Variants in FAP observed in about 807,000 individuals in gnomAD.
FAP encodes fibroblast activation protein alpha, also known as prolyl endopeptidase FAP.
Under a neutral mutation model 126.5 loss-of-function variants are expected in FAP, and 110 were observed. That is an observed-to-expected ratio of 0.87 (90% CI 0.74 to 1.02). The LOEUF is 1.02. Ranked by LOEUF, FAP falls within the 50% of genes least tolerant of loss-of-function variation. The pLI, the probability that FAP is intolerant of heterozygous loss-of-function variation, is 0.00. For missense variants in FAP, 919 were observed against 909.2 expected (o/e 1.01, Z -0.14); for synonymous variants, 334 against 297.3 (o/e 1.12, Z -1.27).
At chr2:162,180,948 G>A (rs1190004622) in intron 21 of FAP, among the ~76,000 whole-genome samples, 2 of 152,044 alleles carry the variant, frequency 1.3e-5, no homozygotes, top group Admixed American at 6.6e-5. Context: ...GGGTCAAGGC[G>A]AGATCCAGAC....
intron 10 of FAP, among the ~76,000 whole-genome samples, chr2:162,214,279 C>T (rs1476414899): frequency 4.6e-5 from 7 of 152,046 alleles, no homozygotes; most frequent in Non-Finnish European, 1.5e-5. Flanking sequence ...GTTTCTTCAT[C>T]TAATGAAATC....
chr2:162,170,976 T>G lies in FAP; in HGVS notation c.*3A>C. 2 of 1,610,844 alleles carry G rather than the reference T, an allele frequency of 1.2e-6. No individual in the cohort carries two copies. The highest frequency in any genetic ancestry group is 2.2e-5 in the South Asian group (2 of 90,974). On this transcript the variant is annotated 3_prime_UTR_variant, in exon 26 of 26. Coordinates refer to ENST00000188790, the MANE Select transcript of FAP (RefSeq NM_004460.5). ...CTGATACAGGCTTGCATCTGCATCG[T>G]TTTTAGTCTGACAAAGAGAAACACT... is the stretch of plus-strand genomic sequence containing the variant.
chr2:162,210,042 T>A, intron 11 of FAP, 46 bp from the exon 12 acceptor site: 1 of 1,551,196 alleles, frequency 6.4e-7, no homozygotes, highest in Non-Finnish European at 8.9e-7. Context: ...GGAGAACATT[T>A]TTTTCCTAAA....
chr2:162,242,341 A>G (rs1233611706), intron 2 of FAP, among the ~76,000 whole-genome samples: 2 of 152,192 alleles, frequency 1.3e-5, no homozygotes, highest in Non-Finnish European at 2.9e-5. Flanking sequence ...CCAATTTATG[A>G]CTGATCAAAA....
intron 2 of FAP, among the ~76,000 whole-genome samples, chr2:162,227,986 C>T (rs144561391): frequency 1.3e-5 from 2 of 152,090 alleles, no homozygotes; most frequent in African/African-American, 4.8e-5. Context: ...GGTTTGTAAT[C>T]GTGTGTATAT....
intron 10 of FAP, 47 bp from the exon 11 acceptor site, chr2:162,214,120 A>G (rs749973420): frequency 1.9e-6 from 3 of 1,590,712 alleles, no homozygotes; most frequent in Non-Finnish European, 2.6e-6. Flanking sequence ...AACCAGTTTC[A>G]CACACAAATA....
intron 5 of FAP, among the ~76,000 whole-genome samples, chr2:162,223,927 C>T (rs1436475114): frequency 2.0e-5 from 3 of 152,058 alleles, no homozygotes; most frequent in Non-Finnish European, 4.4e-5. Context: ...AAAGAAATTT[C>T]CTAACATAAA....
At chr2:162,200,296 C>CTTAA (rs1447495106) in intron 15 of FAP, among the ~76,000 whole-genome samples, 2 of 152,178 alleles carry the variant, frequency 1.3e-5, no homozygotes, top group African/African-American at 4.8e-5. Flanking sequence ...TCTATATGTA[C>CTTAA]TTAAAGTGTT....
chr2:162,205,223 G>GA (rs1017216167), intron 12 of FAP, among the ~76,000 whole-genome samples: 7 of 152,024 alleles, frequency 4.6e-5, no homozygotes, highest in Non-Finnish European at 1.0e-4. Context: ...TCTTTAAAAT[G>GA]AAAAAATGGA....
chr2:162,221,780 C>G, intron 6 of FAP: 1 of 455,718 alleles, frequency 2.2e-6, no homozygotes, highest in Non-Finnish European at 4.4e-6. Flanking sequence ...CGTTCATCTC[C>G]TCAGTTTTGC....
chr2:162,213,848 T>A (rs1403535343), intron 11 of FAP, 90 bp downstream of exon 11: 1 of 1,351,704 alleles, frequency 7.4e-7, no homozygotes, highest in East Asian at 2.4e-5. Flanking sequence ...TAATCCTGGC[T>A]TTACAACATA....
intron 2 of FAP, among the ~76,000 whole-genome samples, chr2:162,230,388 A>T (rs1198242555): frequency 2.0e-5 from 3 of 152,046 alleles, no homozygotes; most frequent in Admixed American, 1.3e-4. Context: ...ACATCTCTAT[A>T]TTTATGTGGC....
chr2:162,209,847 A>C, intron 12 of FAP, 105 bp downstream of exon 12: 1 of 976,718 alleles, frequency 1.0e-6, no homozygotes, highest in Non-Finnish European at 1.6e-6. Flanking sequence ...TACTTTTTCT[A>C]TGAAAATAAG....
At position 162,177,914 on chromosome 2, in the gene FAP, T is replaced by A. The variant is rs79587079; in HGVS notation, c.1870-2948A>T. 2.3e-3 allele frequency among the ~76,000 whole-genome samples: 344 copies of A among 152,270 alleles called. No individual in the cohort carries two copies. The Middle Eastern group carries it at 0.024, about 11-fold the overall frequency. ...TCTTGGTGAGGAAATTATTGCTGCA[T>A]TTCACAATGAGGAAACTGAGGCTCA... On this transcript the variant is annotated intron_variant, in intron 21 of 25. Transcript: ENST00000188790.
chr2:162,186,200 A>G (rs2106224547), intron 20 of FAP, among the ~76,000 whole-genome samples: 1 of 152,262 alleles, frequency 6.6e-6, no homozygotes, highest in South Asian at 2.1e-4. Context: ...AATGGCATGT[A>G]TTAATATTAA....
intron 2 of FAP, among the ~76,000 whole-genome samples, chr2:162,231,143 C>T (rs1158188800): frequency 6.6e-6 from 1 of 152,150 alleles, no homozygotes; most frequent in Non-Finnish European, 1.5e-5. Flanking sequence ...GATTCTACCC[C>T]AGACTAGACT....
chr2:162,177,290 C>A (rs546713478), intron 21 of FAP, among the ~76,000 whole-genome samples: 2 of 152,252 alleles, frequency 1.3e-5, no homozygotes, highest in Admixed American at 6.5e-5. Context: ...TTATTTGAGG[C>A]ATAATGCACA....
intron 5 of FAP, among the ~76,000 whole-genome samples, 167 bp downstream of exon 5, chr2:162,224,295 AAAAC>A (rs1443349773): frequency 3.9e-5 from 6 of 152,178 alleles, no homozygotes; most frequent in Non-Finnish European, 1.5e-5. Context: ...TTTCACGCTT[AAAAC>A]AAACAAGCTC....
In FAP at chr2:162,173,222, C is replaced by A. The variant is rs1290976243; in HGVS notation, c.2035-1G>T. On this transcript the variant is annotated splice_acceptor_variant, in intron 23 of 25. Transcript: ENST00000188790. LOFTEE classifies it high-confidence loss of function. ...CTGCTCTTGCCATCACAGTTGAATT[C>A]TGGAAAAGAGAAAAAAATTAACATT... 11 of 1,611,782 alleles carry A rather than the reference C, an allele frequency of 6.8e-6. No homozygotes were observed. Among genetic ancestry groups the A allele is most frequent in the African/African-American group, 1.3e-5 (1 of 74,812 alleles).
Sources: allele counts gnomAD v4.1 joint callset (sites outside exome capture counted in the v4.1 genomes callset), GRCh38; gene constraint gnomAD v4.1.1; transcripts MANE v1.5; gene names NCBI Gene and HGNC (gene_info 2026-07-23, HGNC 2026-07-21).